Variants in ANKRD33B observed in about 807,000 individuals in gnomAD.
The protein encoded by ANKRD33B is ankyrin repeat domain-containing protein 33B.
ANKRD33B carries 6 observed loss-of-function variants against 21.5 expected under a neutral mutation model. The observed-to-expected ratio is 0.28, with a 90% CI of 0.15 to 0.55. The LOEUF is 0.55. Among genes scored for constraint, ANKRD33B ranks in the 20% least tolerant of loss-of-function variants. The probability of loss-of-function intolerance (pLI) is 0.94; values close to 1 mark genes in which losing one functional copy is unlikely to be tolerated. For synonymous variants in ANKRD33B, 347 were observed against 342.4 expected (o/e 1.01, Z -0.15); for missense variants, 698 against 747.2 (o/e 0.93, Z 0.77).
chr5:10,639,536 C>G (rs1306110874), intron 3 of ANKRD33B, among the ~76,000 whole-genome samples: 2 of 10,878 alleles, frequency 1.8e-4, no homozygotes, highest in South Asian at 5.0e-3. Context: ...CGATGTTAGG[C>G]GGTGACGTGG....
chr5:10,570,436 G>A (rs974622756), intron 1 of ANKRD33B, among the ~76,000 whole-genome samples: 4 of 152,126 alleles, frequency 2.6e-5, no homozygotes, highest in African/African-American at 9.7e-5. Flanking sequence ...AGGCTGTCTC[G>A]GCCTGTTTTC....
intron 1 of ANKRD33B, among the ~76,000 whole-genome samples, chr5:10,577,079 C>A (rs1243976984): frequency 6.6e-6 from 1 of 151,682 alleles, no homozygotes; most frequent in Admixed American, 6.6e-5. Flanking sequence ...CCTTCCCTTT[C>A]CCCTTTCCCT....
intron 3 of ANKRD33B, among the ~76,000 whole-genome samples, chr5:10,638,953 C>T (rs1399665622): frequency 1.8e-5 from 2 of 109,340 alleles, no homozygotes; most frequent in African/African-American, 6.4e-5. Flanking sequence ...TAGCGGGTGA[C>T]GCGGAGTTGC....
chr5:10,611,064 T>C (rs530008941), intron 1 of ANKRD33B, among the ~76,000 whole-genome samples: 1 of 151,850 alleles, frequency 6.6e-6, no homozygotes, highest in East Asian at 1.9e-4. Context: ...AATAAATAAA[T>C]AAAAATATAT....
chr5:10,622,813 T>A (rs72742332), intron 2 of ANKRD33B, among the ~76,000 whole-genome samples: 8,166 of 150,118 alleles, frequency 0.054, 361 homozygotes, highest in Middle Eastern at 0.079. Context: ...ATTTTATTTT[T>A]TTTTTTTTCT....
At chr5:10,572,480 G>A (rs965959061) in intron 1 of ANKRD33B, among the ~76,000 whole-genome samples, 2 of 152,188 alleles carry the variant, frequency 1.3e-5, no homozygotes, top group African/African-American at 4.8e-5. Context: ...ATGTGGATGT[G>A]GGTGTCTGTG....
intron 1 of ANKRD33B, among the ~76,000 whole-genome samples, chr5:10,611,787 G>A (rs1239810765): frequency 2.0e-5 from 3 of 152,230 alleles, no homozygotes; most frequent in Non-Finnish European, 4.4e-5. Context: ...CGTAGAAATT[G>A]CAGACAAACC....
chr5:10,637,016 C>A (rs1736882061), intron 2 of ANKRD33B, among the ~76,000 whole-genome samples: 1 of 152,220 alleles, frequency 6.6e-6, no homozygotes, highest in South Asian at 2.1e-4. Flanking sequence ...TCCCCACAAC[C>A]AAGAGTCATG....
At chr5:10,625,436 C>G (rs1736522956) in intron 2 of ANKRD33B, among the ~76,000 whole-genome samples, 3 of 152,172 alleles carry the variant, frequency 2.0e-5, no homozygotes, top group Admixed American at 2.0e-4. Context: ...ATTCACATGA[C>G]TGGGCTAGTG....
chr5:10,649,986 T>C lies in ANKRD33B; in HGVS notation c.1358T>C (p.Leu453Pro). The change falls in exon 4 of 4, where the codon CTG becomes CCG. Residue 453 changes from leucine to proline, a missense_variant. By Grantham distance (98) the Leu-to-Pro change is moderately conservative. This residue lies in a region of ANKRD33B where 543 missense variants were observed against 566.5 expected (regional missense o/e 0.96). Transcript: ENST00000296657. Reference protein sequence around the residue: ...RKGSTKDSGHLQIPKWRYKEA... With the variant: ...RKGSTKDSGHPQIPKWRYKEA... ...GGCAGCACCAAGGACAGCGGCCACC[T>C]GCAGATCCCCAAGTGGCGGTACAAG... 6.5e-7 allele frequency: 1 copy of C among 1,533,466 alleles called. No individual in the cohort carries two copies. Among genetic ancestry groups the C allele is most frequent in the Non-Finnish European group, 8.7e-7 (1 of 1,144,838 alleles). 95.0% of individuals were successfully genotyped at this position (1,533,466 alleles called of 1,614,324 possible).
At chr5:10,569,597 A>AAAAATAAATAAAT (rs1735131187) in intron 1 of ANKRD33B, among the ~76,000 whole-genome samples, 2 of 148,316 alleles carry the variant, frequency 1.3e-5, no homozygotes, top group Admixed American at 6.7e-5. Flanking sequence ...CCCGTGTTTG[A>AAAAATAAATAAAT]AAATAAATAA....
intron 1 of ANKRD33B, among the ~76,000 whole-genome samples, chr5:10,600,846 C>T (rs970126058): frequency 3.1e-4 from 47 of 152,138 alleles, no homozygotes; most frequent in African/African-American, 9.9e-4. Context: ...TTTAACCATT[C>T]TGGTGGGTGT....
At chr5:10,616,325 G>T (rs569750006) in intron 1 of ANKRD33B, among the ~76,000 whole-genome samples, 24 of 152,200 alleles carry the variant, frequency 1.6e-4, no homozygotes, top group African/African-American at 5.8e-4. Flanking sequence ...CTAGCACTTT[G>T]GGAGACTGAG....
At chr5:10,575,190 C>T (rs1250162431) in intron 1 of ANKRD33B, among the ~76,000 whole-genome samples, 6 of 12,046 alleles carry the variant, frequency 5.0e-4, no homozygotes, top group African/African-American at 5.6e-4. Context: ...TTTGGGAGGC[C>T]GAGGTGGGCG....
At chr5:10,627,078 G>A (rs1406122872) in intron 2 of ANKRD33B, among the ~76,000 whole-genome samples, 2 of 152,066 alleles carry the variant, frequency 1.3e-5, no homozygotes, top group South Asian at 2.1e-4. Context: ...AATTTCCTCG[G>A]CTATTTAATG....
In ANKRD33B at chr5:10,615,097, A is replaced by G. The variant is rs186495720; in HGVS notation, c.367-3236A>G. 8.5e-5 allele frequency among the ~76,000 whole-genome samples: 13 copies of G among 152,222 alleles called. No individual in the cohort carries two copies. The East Asian group carries it at 2.5e-3, about 29-fold the overall frequency. ...GGGAAGAGTAGGGTGGTCCTGAAAG[A>G]GACCTAATTCAGGAGCCAGATACTT... On this transcript the variant is annotated intron_variant, in intron 1 of 3. Transcript: ENST00000296657.
chr5:10,615,975 C>T (rs1283488958), intron 1 of ANKRD33B, among the ~76,000 whole-genome samples: 5 of 152,170 alleles, frequency 3.3e-5, no homozygotes, highest in African/African-American at 4.8e-5. Context: ...CTGCAGCCCA[C>T]TCTTTTCTAT....
At chr5:10,582,402 T>C (rs1191093726) in intron 1 of ANKRD33B, among the ~76,000 whole-genome samples, 1 of 152,156 alleles carries the variant, frequency 6.6e-6, no homozygotes, top group Non-Finnish European at 1.5e-5. Context: ...GCGGGGGGGA[T>C]GTCCACCATG....
At chr5:10,634,227 T>G (rs574504127) in intron 2 of ANKRD33B, among the ~76,000 whole-genome samples, 32 of 152,346 alleles carry the variant, frequency 2.1e-4, no homozygotes, top group African/African-American at 7.5e-4. Flanking sequence ...GCCAGCTCTC[T>G]TCAGTACTGA....
Sources: allele counts gnomAD v4.1 joint callset (sites outside exome capture counted in the v4.1 genomes callset), GRCh38; gene constraint gnomAD v4.1.1; regional missense constraint gnomAD v4.1.1; transcripts MANE v1.5; gene names NCBI Gene and HGNC (gene_info 2026-07-23, HGNC 2026-07-21).